The following DLC1 variants were observed in gnomAD, a reference collection of about 807,000 sequenced individuals.
DLC1 encodes rho GTPase-activating protein 7.
In DLC1, 54 loss-of-function variants were observed where a neutral mutation model predicts 140.3. That is an observed-to-expected ratio of 0.38 (90% confidence interval 0.31 to 0.48). DLC1 has a LOEUF of 0.48. Ranked by LOEUF, DLC1 falls within the 20% of genes least tolerant of loss-of-function variation. DLC1 has a pLI of 0.96. For synonymous variants in DLC1, 986 were observed against 728.1 expected (o/e 1.35, Z -5.70); for missense variants, 2,536 against 1,907.0 (o/e 1.33, Z -6.14).
At chr8:13,355,609 C>T (rs28491910) in intron 4 of DLC1, among the ~76,000 whole-genome samples, 4,212 of 152,232 alleles carry the variant, frequency 0.028, 185 homozygotes, top group African/African-American at 0.097. Context: ...ATATGAATTA[C>T]TTCCTTACAG....
At chr8:13,239,284 G>A (rs1018265092) in intron 5 of DLC1, among the ~76,000 whole-genome samples, 7 of 152,102 alleles carry the variant, frequency 4.6e-5, no homozygotes, top group African/African-American at 1.4e-4. Context: ...AATCCTCAGG[G>A]AAGAGCGGGG....
chr8:13,223,725 T>G (rs1828663454), intron 5 of DLC1, among the ~76,000 whole-genome samples: 1 of 152,176 alleles, frequency 6.6e-6, no homozygotes. Flanking sequence ...TATTGGTCTG[T>G]TAGGAATACA....
intron 1 of DLC1, among the ~76,000 whole-genome samples, chr8:13,505,429 G>A (rs1585218504): frequency 6.6e-6 from 1 of 152,114 alleles, no homozygotes; most frequent in East Asian, 1.9e-4. Flanking sequence ...ATAATTTAAA[G>A]TATTATGATA....
intron 4 of DLC1, among the ~76,000 whole-genome samples, chr8:13,318,481 T>TCTA (rs1457540707): frequency 6.6e-6 from 1 of 152,178 alleles, no homozygotes; most frequent in Non-Finnish European, 1.5e-5. Flanking sequence ...GAACCTAGGG[T>TCTA]TTTAACTTAG....
chr8:13,405,791 TTC>T (rs1018741835), intron 2 of DLC1, among the ~76,000 whole-genome samples: 1 of 151,596 alleles, frequency 6.6e-6, no homozygotes, highest in Non-Finnish European at 1.5e-5. Context: ...CCCTCTTTTC[TTC>T]TCTTTTTTTC....
rs1329988234 is a variant in DLC1, at chr8:13,393,635, A to G, written c.1232T>C (p.Val411Ala). Residue 411 changes from valine (V) to alanine (A), a missense_variant, in exon 4 of 18, where the codon GTA becomes GCA. Val to Ala is a moderately conservative substitution (Grantham distance 64). Transcript: ENST00000276297. ...GGACTCAGTGTCAGAAGACAAATTTACTCGTGTCTGATTTACTGAAATGGT... is the reference window on the plus strand; with the variant it reads ...GGACTCAGTGTCAGAAGACAAATTTGCTCGTGTCTGATTTACTGAAATGGT... The part of the protein sequence containing the change: ...ADTISVNQTR[V>A]NLSSDTESTD... 1 of 1,613,910 alleles carries G rather than the reference A, an allele frequency of 6.2e-7. No individual in the cohort carries two copies. The highest frequency in any genetic ancestry group is 8.5e-7 in the Non-Finnish European group (1 of 1,180,008).
At chr8:13,209,267 ACTCAT>A (rs1827823903) in intron 5 of DLC1, among the ~76,000 whole-genome samples, 1 of 152,106 alleles carries the variant, frequency 6.6e-6, no homozygotes, top group African/African-American at 2.4e-5. Context: ...ATCTATAAAG[ACTCAT>A]CTCAAGATTT....
chr8:13,457,146 C>A (rs563052717), intron 2 of DLC1, among the ~76,000 whole-genome samples: 2 of 152,086 alleles, frequency 1.3e-5, no homozygotes, highest in Non-Finnish European at 2.9e-5. Flanking sequence ...CAGAATATTG[C>A]GAACTTTCCC....
chr8:13,476,763 G>T (rs75120096), intron 2 of DLC1, among the ~76,000 whole-genome samples: 1 of 151,470 alleles, frequency 6.6e-6, no homozygotes. Flanking sequence ...AATGTTCAAC[G>T]GTAAAAAAAC....
rs59429334 is a variant in DLC1 at position 13,196,095 on chromosome 8, T to TACACACACACACACAC, written c.1349-80454_1349-80439dup. On this transcript the variant is annotated intron_variant, in intron 5 of 17. Coordinates refer to ENST00000276297, the MANE Select transcript of DLC1 (RefSeq NM_182643.3). Reference sequence around the variant, plus strand: ...ACCAATGCTCTACATTCTGTATTGATACACACACACACACACACACACACA... The same window carrying TACACACACACACACAC: ...ACCAATGCTCTACATTCTGTATTGATACACACACACACACACACACACACACACACACACACACACA... Among the ~76,000 whole-genome samples the TACACACACACACACAC allele has an allele frequency of 1.2e-4, 18 of 147,146 alleles. 1 individual carries two copies. In the East Asian group the frequency reaches 2.3e-3, roughly 18 times the overall value.
At chr8:13,391,095 A>T (rs1222519723) in intron 4 of DLC1, among the ~76,000 whole-genome samples, 4 of 152,110 alleles carry the variant, frequency 2.6e-5, no homozygotes, top group Non-Finnish European at 4.4e-5. Context: ...TTGATGGTGG[A>T]GTATTTCTTT....
intron 2 of DLC1, among the ~76,000 whole-genome samples, chr8:13,412,566 T>G (rs1837825723): frequency 1.3e-5 from 2 of 152,124 alleles, no homozygotes; most frequent in Non-Finnish European, 2.9e-5. Flanking sequence ...CACAATGCAG[T>G]AGTTGCATAC....
intron 4 of DLC1, among the ~76,000 whole-genome samples, chr8:13,384,786 C>T (rs1298603833): frequency 6.6e-6 from 1 of 151,996 alleles, no homozygotes; most frequent in Non-Finnish European, 1.5e-5. Context: ...ATTGTCTGTC[C>T]AGTCCAGGGT....
intron 5 of DLC1, among the ~76,000 whole-genome samples, chr8:13,181,041 A>G (rs1428877041): frequency 6.6e-6 from 1 of 152,034 alleles, no homozygotes; most frequent in African/African-American, 2.4e-5. Flanking sequence ...TCTTAATTCA[A>G]ATATATATGT....
chr8:13,299,962 A>G (rs998039666), intron 5 of DLC1, among the ~76,000 whole-genome samples: 1 of 152,226 alleles, frequency 6.6e-6, no homozygotes, highest in East Asian at 1.9e-4. Flanking sequence ...AAATCATTCT[A>G]TTATAAAGAT....
intron 2 of DLC1, among the ~76,000 whole-genome samples, chr8:13,416,789 T>C (rs1585071277): frequency 1.3e-5 from 2 of 152,166 alleles, no homozygotes; most frequent in South Asian, 4.1e-4. Flanking sequence ...GAGATTCTGG[T>C]TTGACATTTT....
intron 4 of DLC1, among the ~76,000 whole-genome samples, chr8:13,377,567 A>G (rs1836058225): frequency 6.6e-6 from 1 of 152,144 alleles, no homozygotes; most frequent in Non-Finnish European, 1.5e-5. Flanking sequence ...TAAGACATCA[A>G]TTTTTATAGA....
chr8:13,539,232 C>T (rs1427561485), intron 1 of DLC1, among the ~76,000 whole-genome samples: 1 of 151,574 alleles, frequency 6.6e-6, no homozygotes, highest in African/African-American at 2.4e-5. Flanking sequence ...CAGAGTCTCG[C>T]TCTGTTGCCC....
intron 5 of DLC1, among the ~76,000 whole-genome samples, chr8:13,230,838 C>A (rs528836805): frequency 3.3e-5 from 5 of 152,210 alleles, no homozygotes; most frequent in Middle Eastern, 3.4e-3. Context: ...CTCAGGTGAT[C>A]TGCCCACCTC....
Sources: allele counts gnomAD v4.1 joint callset (sites outside exome capture counted in the v4.1 genomes callset), GRCh38; gene constraint gnomAD v4.1.1; transcripts MANE v1.5; gene names NCBI Gene and HGNC (gene_info 2026-07-23, HGNC 2026-07-21).